Variants in FAM193B observed in about 807,000 individuals in gnomAD.
FAM193B encodes the protein family with sequence similarity 193 member B.
A neutral mutation model predicts 70.7 loss-of-function variants in FAM193B; 27 were observed. That is an observed-to-expected ratio of 0.38 (90% CI 0.28 to 0.53). The LOEUF (loss-of-function observed/expected upper bound fraction) is 0.53, where lower values mean the gene tolerates loss of function less well. Ranked by LOEUF, FAM193B falls within the 20% of genes least tolerant of loss-of-function variation. The pLI is 0.81. For missense variants in FAM193B, 1,022 were observed against 1,072.5 expected (o/e 0.95, Z 0.66); for synonymous variants, 448 against 436.0 (o/e 1.03, Z -0.34).
intron 5 of FAM193B, chr5:177,531,666 C>T: frequency 1.3e-6 from 1 of 755,090 alleles, no homozygotes. Flanking sequence ...GCTTCACCCT[C>T]TCAGCCAGGC....
chr5:177,526,030 T>C (rs1394059907), intron 5 of FAM193B, among the ~76,000 whole-genome samples: 2 of 152,196 alleles, frequency 1.3e-5, no homozygotes, highest in African/African-American at 4.8e-5. Context: ...CCTGGCGCCA[T>C]TGACTCCCAC....
intron 1 of FAM193B, among the ~76,000 whole-genome samples, chr5:177,540,517 C>T (rs1364775867): frequency 1.3e-5 from 2 of 152,236 alleles, no homozygotes; most frequent in South Asian, 4.1e-4. Context: ...CAGCCATAAA[C>T]CTGAAAGGTG....
chr5:177,541,931 C>G (rs905837514), intron 1 of FAM193B, among the ~76,000 whole-genome samples: 2 of 152,158 alleles, frequency 1.3e-5, no homozygotes, highest in Non-Finnish European at 2.9e-5. Context: ...ATGTAAATAG[C>G]TGCTATACCG....
In FAM193B at chr5:177,549,636, C is replaced by CA. The variant is rs571086031; in HGVS notation, c.210+4612dup. On this transcript the variant is annotated intron_variant, in intron 1 of 8. Transcript: ENST00000514747. ...CTAGCATTACTGCAATTACTATACA[C>CA]ACGTTCTCTAGACTATGAGCCCCTT... 2.3e-3 allele frequency among the ~76,000 whole-genome samples: 356 copies of CA among 152,380 alleles called. 2 individuals carry two copies. Among genetic ancestry groups the CA allele is most frequent in the African/African-American group, 8.3e-3 (346 of 41,586 alleles).
At chr5:177,526,585 T>C (rs1762637258) in intron 5 of FAM193B, among the ~76,000 whole-genome samples, 1 of 151,868 alleles carries the variant, frequency 6.6e-6, no homozygotes, top group Non-Finnish European at 1.5e-5. Context: ...TATGGAACCA[T>C]ATACACTCTG....
rs1764401651 is a variant in FAM193B at position 177,538,117 on chromosome 5, G to A, written c.454-10C>T. The A allele has an allele frequency of 2.0e-6, 3 of 1,529,804 alleles. No individual in the cohort carries two copies. The highest frequency in any genetic ancestry group is 1.4e-5 in the African/African-American group (1 of 72,640). 94.8% of individuals were successfully genotyped at this position (1,529,804 alleles called of 1,614,324 possible). On this transcript the variant is annotated splice_polypyrimidine_tract_variant and intron_variant, in intron 2 of 8. Coordinates refer to ENST00000514747, the MANE Select transcript of FAM193B (RefSeq NM_001190946.3). The surrounding 1 kb of genome is among the most constrained non-coding windows in gnomAD (Gnocchi z 4.1). ...TGTGTGACAAGGAGATCTGGAGAAG[G>A]GGGAGGAAAAAGGCTCACGGTCAAA...
intron 1 of FAM193B, among the ~76,000 whole-genome samples, chr5:177,540,478 G>T (rs116260276): frequency 0.012 from 1,896 of 152,164 alleles, 42 homozygotes; most frequent in African/African-American, 0.044. Context: ...ATGTCACTTT[G>T]GCCAATGGGA....
rs1015112423 is a variant in FAM193B at position 177,545,163 on chromosome 5, C to G, written c.211-6016G>C. On this transcript the variant is annotated intron_variant, in intron 1 of 8. Transcript: ENST00000514747. ...TGTTCAAGCGGTTCTCCTGCCTCAG[C>G]CTCCCAAGTGGCTAGGATTACAGGC... Among the ~76,000 whole-genome samples, 37 of 152,142 alleles carry G rather than the reference C, an allele frequency of 2.4e-4. 1 individual carries two copies. Among genetic ancestry groups the G allele is most frequent in the Non-Finnish European group, 5.9e-5 (4 of 68,020 alleles).
At chr5:177,531,424 C>G in intron 5 of FAM193B, 1 of 1,361,616 alleles carries the variant, frequency 7.3e-7, no homozygotes, top group Non-Finnish European at 9.8e-7. Flanking sequence ...GCCCAGGGTG[C>G]CCCCCTTCAT....
At chr5:177,554,192 C>T in intron 1 of FAM193B, 57 bp downstream of exon 1, 2 of 1,478,932 alleles carry the variant, frequency 1.4e-6, no homozygotes, top group Non-Finnish European at 9.0e-7. Context: ...CACTCCCGCT[C>T]CCGCTCGGGG....
At chr5:177,533,569 G>T (rs1371097754) in intron 4 of FAM193B, among the ~76,000 whole-genome samples, 2 of 152,166 alleles carry the variant, frequency 1.3e-5, no homozygotes, top group African/African-American at 2.4e-5. Flanking sequence ...GCCTCCCAAA[G>T]TGCTGGGATT....
At chr5:177,554,140 C>T in intron 1 of FAM193B, 109 bp downstream of exon 1, 2 of 1,431,204 alleles carry the variant, frequency 1.4e-6, no homozygotes, top group East Asian at 6.1e-5. Context: ...GGGAAGGCTG[C>T]TACCCCAGCC....
chr5:177,529,990 G>A (rs1216475160), intron 5 of FAM193B, among the ~76,000 whole-genome samples: 1 of 152,222 alleles, frequency 6.6e-6, no homozygotes, highest in Non-Finnish European at 1.5e-5. Context: ...AATCACTTCT[G>A]CTTTCCAAAG....
Position 177,524,252 on chromosome 5 carries a change from G to A in FAM193B, c.2229C>T (p.Ser743=), listed in dbSNP as rs754651134. Residue 743 remains serine (S), a synonymous_variant, in exon 6 of 9, where the codon AGC becomes AGT. Coordinates refer to ENST00000514747, the MANE Select transcript of FAM193B (RefSeq NM_001190946.3). ...VQPSGPARPQ[S]LPQGKGRSRR... ...GGCTGCGGCCCTTGCCCTGGGGCAA[G>A]CTCTGTGGCCTTGCTGGGCCTGAGG... 21 of 1,561,246 alleles carry A rather than the reference G, an allele frequency of 1.3e-5. No individual in the cohort carries two copies. The highest frequency in any genetic ancestry group is 1.8e-5 in the Non-Finnish European group (21 of 1,154,760).
chr5:177,554,539 C>A lies in FAM193B; in HGVS notation c.-81G>T. 20 of 663,452 alleles carry A rather than the reference C, an allele frequency of 3.0e-5. No homozygotes were observed. The highest frequency in any genetic ancestry group is 4.5e-5 in the African/African-American group (2 of 44,330). 41.1% of individuals were successfully genotyped at this position (663,452 alleles called of 1,614,324 possible). ...CGCCGCCGCCGCCGCCGCTACCGCT[C>A]CCCTCACAGGACAACAGCCAATATG... On this transcript the variant is annotated 5_prime_UTR_variant, in exon 1 of 9. Transcript: ENST00000514747.
intron 3 of FAM193B, among the ~76,000 whole-genome samples, chr5:177,537,066 G>T (rs1180034594): frequency 6.6e-6 from 1 of 152,152 alleles, no homozygotes; most frequent in Non-Finnish European, 1.5e-5. Context: ...TGCTCCTCAG[G>T]CCTGGAGGAT....
At chr5:177,529,299 T>A (rs1010978766) in intron 5 of FAM193B, among the ~76,000 whole-genome samples, 1 of 151,522 alleles carries the variant, frequency 6.6e-6, no homozygotes, top group African/African-American at 2.4e-5. Context: ...AGAGAGACAC[T>A]GAGCTCTTTC....
rs929871427 is a variant in FAM193B, at chr5:177,524,784, G to A, written c.1697C>T (p.Pro566Leu). Residue 566 changes from proline to leucine, a missense_variant, in exon 6 of 9, where the codon CCA becomes CTA. By Grantham distance (98) the Pro-to-Leu change is moderately conservative. Coordinates refer to ENST00000514747, the MANE Select transcript of FAM193B (RefSeq NM_001190946.3). ...PWAEMRGPHPPWTEVRGPPPG... is the reference protein window; with the variant it reads ...PWAEMRGPHPLWTEVRGPPPG... ...AGGGGGCCCCCTCACCTCTGTCCAT[G>A]GTGGGTGGGGGCCTCTCATTTCTGC... 4 of 1,517,544 alleles carry A rather than the reference G, an allele frequency of 2.6e-6. No individual in the cohort carries two copies. Among genetic ancestry groups the A allele is most frequent in the Admixed American group, 2.3e-5 (1 of 43,794 alleles). 94.0% of individuals were successfully genotyped at this position (1,517,544 alleles called of 1,614,324 possible). A position where few individuals can be genotyped will look rare whatever the true frequency, so the allele number is the denominator to read the frequency against.
chr5:177,526,924 A>G lies in FAM193B; in HGVS notation c.1276-1719T>C, dbSNP rs116882464. ...AGACATTCTCTGCCTCGCTGACTTC[A>G]GTCTGCTGAGGGAGACAACAGCAAA... On this transcript the variant is annotated intron_variant, in intron 5 of 8. Transcript: ENST00000514747. Among the ~76,000 whole-genome samples the G allele has an allele frequency of 2.1e-3, 319 of 152,356 alleles. 4 individuals are homozygous for G. Among genetic ancestry groups the G allele is most frequent in the East Asian group, 0.016 (82 of 5,186 alleles).
Sources: allele counts gnomAD v4.1 joint callset (sites outside exome capture counted in the v4.1 genomes callset), GRCh38; gene constraint gnomAD v4.1.1; non-coding constraint Gnocchi (gnomAD v3.1); transcripts MANE v1.5; gene names NCBI Gene and HGNC (gene_info 2026-07-23, HGNC 2026-07-21).